The following B3GLCT variants were observed in gnomAD, a reference collection of about 807,000 sequenced individuals.
The protein encoded by B3GLCT is beta 3-glucosyltransferase, also known as beta-1,3-glucosyltransferase.
In B3GLCT, 65 loss-of-function variants were observed where a neutral mutation model predicts 63.4. That is an observed-to-expected ratio of 1.03 (90% CI 0.84 to 1.26). B3GLCT has a LOEUF of 1.26. Ranked by LOEUF, B3GLCT falls within the 50% of genes most tolerant of loss-of-function variation. The probability of loss-of-function intolerance (pLI) is 0.00; values close to 1 mark genes in which losing one functional copy is unlikely to be tolerated. For synonymous variants in B3GLCT, 233 were observed against 219.2 expected (o/e 1.06, Z -0.55); for missense variants, 577 against 604.8 (o/e 0.95, Z 0.48).
intron 3 of B3GLCT, among the ~76,000 whole-genome samples, chr13:31,226,558 G>A (rs1010333859): frequency 7.9e-5 from 12 of 152,080 alleles, no homozygotes; most frequent in African/African-American, 2.7e-4. Flanking sequence ...GGCAGGAGTT[G>A]GTTACTGTGA....
At chr13:31,280,341 G>A (rs1593293859) in intron 10 of B3GLCT, among the ~76,000 whole-genome samples, 1 of 152,198 alleles carries the variant, frequency 6.6e-6, no homozygotes, top group Non-Finnish European at 1.5e-5. Context: ...CTCCTGCCAT[G>A]GCTTCAGCCG....
chr13:31,274,908 G>A (rs1447683107), intron 9 of B3GLCT, among the ~76,000 whole-genome samples: 1 of 152,092 alleles, frequency 6.6e-6, no homozygotes, highest in African/African-American at 2.4e-5. Context: ...TTATGTTTGT[G>A]TGTACCCAGT....
chr13:31,283,830 G>A (rs1324465742), intron 10 of B3GLCT, among the ~76,000 whole-genome samples: 1 of 152,130 alleles, frequency 6.6e-6, no homozygotes, highest in Non-Finnish European at 1.5e-5. Flanking sequence ...GTTCATCAGA[G>A]TTTTGACAGG....
At chr13:31,288,039 A>G (rs1398746645) in intron 12 of B3GLCT, among the ~76,000 whole-genome samples, 2 of 152,248 alleles carry the variant, frequency 1.3e-5, no homozygotes, top group East Asian at 1.9e-4. Context: ...TATGCAATTG[A>G]AATCTCCAAA....
chr13:31,213,791 A>G (rs1238910827), intron 1 of B3GLCT, among the ~76,000 whole-genome samples: 1 of 151,864 alleles, frequency 6.6e-6, no homozygotes, highest in South Asian at 2.1e-4. Flanking sequence ...GGAATTGGGG[A>G]TTTATTATTT....
chr13:31,286,805 T>C lies in B3GLCT; in HGVS notation c.1050T>C (p.Asp350=), dbSNP rs1566082261. The change falls in exon 12 of 15, where the codon GAT becomes GAC. Residue 350 remains aspartate (D), a synonymous_variant. Coordinates refer to ENST00000343307, the MANE Select transcript of B3GLCT (RefSeq NM_194318.4). ...CAGCATGGTTAGTCATTGTGGATGA[T>C]GATACATTAATAAGGTAAGGAGTCA... ...DKTAWLVIVD[D]DTLISISRLQ... 1.9e-6 allele frequency: 3 copies of C among 1,610,170 alleles called. No homozygotes were observed. Among genetic ancestry groups the C allele is most frequent in the Non-Finnish European group, 1.7e-6 (2 of 1,176,654 alleles).
chr13:31,200,826 G>C (rs1367684479), intron 1 of B3GLCT, among the ~76,000 whole-genome samples: 1 of 152,072 alleles, frequency 6.6e-6, no homozygotes. Context: ...GGGCCTCCGC[G>C]GGAGCTGGCG....
intron 1 of B3GLCT, among the ~76,000 whole-genome samples, chr13:31,209,370 C>G (rs1250968739): frequency 6.6e-6 from 1 of 152,172 alleles, no homozygotes; most frequent in African/African-American, 2.4e-5. Context: ...GCTTAAGGCC[C>G]CCTGGAGGAC....
At chr13:31,235,626 A>G (rs899612613) in intron 4 of B3GLCT, among the ~76,000 whole-genome samples, 2 of 152,132 alleles carry the variant, frequency 1.3e-5, no homozygotes, top group African/African-American at 4.8e-5. Flanking sequence ...TGACCTCAGG[A>G]TGCATCCCAC....
chr13:31,290,959 G>T (rs948423399), intron 12 of B3GLCT, among the ~76,000 whole-genome samples: 36 of 152,184 alleles, frequency 2.4e-4, no homozygotes, highest in African/African-American at 8.4e-4. Context: ...GAATGGTATT[G>T]CCTAGGTGTT....
Position 31,247,934 on chromosome 13 carries a change from T to C in B3GLCT, c.427T>C (p.Leu143=). The C allele has an allele frequency of 1.2e-6, 2 of 1,609,096 alleles. No homozygotes were observed. Among genetic ancestry groups the C allele is most frequent in the Admixed American group, 1.7e-5 (1 of 60,016 alleles). The change falls in exon 6 of 15, where the codon TTG becomes CTG. Residue 143 remains leucine (L), a synonymous_variant. Coordinates refer to ENST00000343307, the MANE Select transcript of B3GLCT (RefSeq NM_194318.4). Reference sequence around the variant, plus strand: ...GACAAGAATACAGATTCCAAAACTCTTGGAAACCCTCAGAAGATATGACCC... The same window carrying C: ...GACAAGAATACAGATTCCAAAACTCCTGGAAACCCTCAGAAGATATGACCC... The part of the protein sequence containing the change: ...EETRIQIPKL[L]ETLRRYDPSK...
intron 13 of B3GLCT, among the ~76,000 whole-genome samples, chr13:31,322,561 C>T (rs1223083699): frequency 6.6e-6 from 1 of 152,076 alleles, no homozygotes; most frequent in African/African-American, 2.4e-5. Flanking sequence ...GGAAAGAACT[C>T]ATCAGCATGC....
intron 4 of B3GLCT, among the ~76,000 whole-genome samples, chr13:31,239,036 G>T (rs962993069): frequency 7.2e-5 from 11 of 152,178 alleles, no homozygotes; most frequent in African/African-American, 2.7e-4. Flanking sequence ...GAGGACATAG[G>T]TTTAGAACAT....
rs367712437 is a variant in B3GLCT at position 31,229,251 on chromosome 13, A to C, written c.227A>C (p.Gln76Pro). 1.5e-5 allele frequency: 25 copies of C among 1,613,634 alleles called. No homozygotes were observed. The African/African-American group carries it at 3.3e-4, about 22-fold the overall frequency. Residue 76 changes from glutamine (Q) to proline (P), a missense_variant, in exon 4 of 15, where the codon CAG becomes CCG. Gln to Pro is a moderately conservative substitution (Grantham distance 76). Coordinates refer to ENST00000343307, the MANE Select transcript of B3GLCT (RefSeq NM_194318.4). ...SNSFHAKRAE[Q>P]LKKSILKQAA... is the part of the protein sequence containing the mutation. Reference sequence around the variant, plus strand: ...TCTTTTCATGCAAAGAGAGCAGAGCAGTTAAAAAAAAGCATCTTAAAGCAG... The same window carrying C: ...TCTTTTCATGCAAAGAGAGCAGAGCCGTTAAAAAAAAGCATCTTAAAGCAG...
chr13:31,226,761 T>C (rs1299156727), intron 3 of B3GLCT, among the ~76,000 whole-genome samples: 1 of 152,090 alleles, frequency 6.6e-6, no homozygotes, highest in Non-Finnish European at 1.5e-5. Flanking sequence ...TAGAGAAATC[T>C]ACTCTTTAAA....
chr13:31,328,476 C>T (rs1691389227), intron 14 of B3GLCT, among the ~76,000 whole-genome samples: 1 of 151,962 alleles, frequency 6.6e-6, no homozygotes, highest in Non-Finnish European at 1.5e-5. Flanking sequence ...GGTGGATCAC[C>T]TGAGGTCAGG....
chr13:31,273,385 C>T (rs934280410), intron 8 of B3GLCT, among the ~76,000 whole-genome samples: 20 of 152,226 alleles, frequency 1.3e-4, no homozygotes, highest in African/African-American at 3.9e-4. Context: ...TGAGCCACCA[C>T]GCCCAGCCTC....
chr13:31,236,358 T>C (rs562803871), intron 4 of B3GLCT, among the ~76,000 whole-genome samples: 1 of 152,354 alleles, frequency 6.6e-6, no homozygotes, highest in East Asian at 1.9e-4. Flanking sequence ...TTATTTGCAG[T>C]TTTCTGTTTA....
At chr13:31,324,857 G>A (rs868730231) in intron 14 of B3GLCT, among the ~76,000 whole-genome samples, 102 of 152,054 alleles carry the variant, frequency 6.7e-4, no homozygotes, top group African/African-American at 1.8e-3. Flanking sequence ...GGCGCACACC[G>A]CCATGCCTGG....
Sources: gnomAD v4.1 joint callset for allele counts (sites outside exome capture counted in the v4.1 genomes callset) on GRCh38, gnomAD v4.1.1 for gene constraint, MANE v1.5 for transcripts, NCBI Gene and HGNC (gene_info 2026-07-23, HGNC 2026-07-21) for gene names.